ZCCHC14: variants seen among roughly 807,000 people sequenced by gnomAD.
ZCCHC14 encodes the protein zinc finger CCHC-type containing 14, also known as zinc finger CCHC domain-containing protein 14.
Under a neutral mutation model 85.0 loss-of-function variants are expected in ZCCHC14, and 16 were observed. That is an observed-to-expected ratio of 0.19 (90% CI 0.13 to 0.29). The LOEUF (loss-of-function observed/expected upper bound fraction) is 0.29, where lower values mean the gene tolerates loss of function less well. Ranked by LOEUF, ZCCHC14 falls within the 10% of genes least tolerant of loss-of-function variation. ZCCHC14 has a pLI of 1.00. For synonymous variants in ZCCHC14, 775 were observed against 630.7 expected (o/e 1.23, Z -3.43); for missense variants, 1,303 against 1,443.5 (o/e 0.90, Z 1.58).
At position 87,412,650 on chromosome 16, in the gene ZCCHC14, T is replaced by C. The variant is rs1236119481; in HGVS notation, c.2071A>G (p.Ser691Gly). 1.9e-6 allele frequency: 3 copies of C among 1,614,192 alleles called. No homozygotes were observed. Among genetic ancestry groups the C allele is most frequent in the Admixed American group, 1.7e-5 (1 of 60,022 alleles). The change falls in exon 12 of 13, where the codon AGC becomes GGC. Residue 691 changes from serine to glycine, a missense_variant. This residue lies in a region of ZCCHC14 where 797 missense variants were observed against 730.8 expected (regional missense o/e 1.09). Coordinates refer to ENST00000671377, the MANE Select transcript of ZCCHC14 (RefSeq NM_015144.3). ...ACGTCCATCATGGCGCTGCCAAAGC[T>C]CTTGTCCACTTTCATGCTGCTTCTT... ...GPRSSMKVDK[S>G]FGSAMMDVLP...
At chr16:87,455,295 C>CCT (rs1252438662) in intron 2 of ZCCHC14, among the ~76,000 whole-genome samples, 1 of 150,584 alleles carries the variant, frequency 6.6e-6, no homozygotes, top group Non-Finnish European at 1.5e-5. Context: ...TCCCCCCCCG[C>CCT]CCCCGCAAAA....
intron 3 of ZCCHC14, among the ~76,000 whole-genome samples, chr16:87,428,636 C>T (rs1011980496): frequency 6.6e-6 from 1 of 152,198 alleles, no homozygotes; most frequent in Admixed American, 6.5e-5. Flanking sequence ...GATCTGAGGG[C>T]ACCTGTGAGC....
At position 87,413,151 on chromosome 16, in the gene ZCCHC14, C is replaced by G. The variant is rs1413881786; in HGVS notation, c.1648G>C (p.Glu550Gln). The change falls in exon 11 of 13, where the codon GAA becomes CAA. Residue 550 changes from glutamate to glutamine, a missense_variant. By Grantham distance (29) the Glu-to-Gln change is conservative. Coordinates refer to ENST00000671377, the MANE Select transcript of ZCCHC14 (RefSeq NM_015144.3). The stretch of plus-strand genomic sequence containing the variant: ...CTGGAGTACTCCGAGGAACTGCCTT[C>G]CCGGGGCAGCTGGTGATGGGGCTGC... ...VEQPHHQLPR[E>Q]GSSSEYSSSS... 5 of 1,604,700 alleles carry G rather than the reference C, an allele frequency of 3.1e-6. No individual in the cohort carries two copies. In the African/African-American group the frequency reaches 5.4e-5, roughly 17 times the overall value.
chr16:87,440,121 A>G (rs902970344), intron 2 of ZCCHC14, among the ~76,000 whole-genome samples: 1 of 152,132 alleles, frequency 6.6e-6, no homozygotes, highest in Admixed American at 6.5e-5. Flanking sequence ...ATGCACTTTG[A>G]ATTCACTGAC....
chr16:87,423,416 A>C (rs1351221437), intron 4 of ZCCHC14, among the ~76,000 whole-genome samples: 1 of 152,208 alleles, frequency 6.6e-6, no homozygotes, highest in African/African-American at 2.4e-5. Flanking sequence ...TAAATAAATA[A>C]AAACAGATAA....
At chr16:87,443,644 G>A (rs1910291173) in intron 2 of ZCCHC14, among the ~76,000 whole-genome samples, 2 of 152,180 alleles carry the variant, frequency 1.3e-5, no homozygotes, top group Non-Finnish European at 1.5e-5. Context: ...GGCCAAGGCT[G>A]GGGGATCCCT....
chr16:87,491,740 C>A lies in ZCCHC14; in HGVS notation c.499G>T (p.Gly167Cys). 8.2e-6 allele frequency: 13 copies of A among 1,576,026 alleles called. No homozygotes were observed. The highest frequency in any genetic ancestry group is 1.1e-5 in the Non-Finnish European group (13 of 1,165,944). ...GCGCCCTTGCCGCCGTGGCCCCCGC[C>A]GCCGTTCAGGCTGCTCTGGATCTGC... is the stretch of plus-strand genomic sequence containing the variant. ...LTQIQSSLNG[G>C]GGHGGKGAPG... Residue 167 changes from glycine to cysteine, a missense_variant, in exon 1 of 13, where the codon GGC (glycine) becomes TGC (cysteine). This residue lies in a region of ZCCHC14 where 389 missense variants were observed against 397.8 expected (regional missense o/e 0.98). Transcript: ENST00000671377. This position sits in a 1 kb window ranked among gnomAD's most constrained non-coding sequence, Gnocchi z 5.9.
At chr16:87,432,046 C>T (rs1384219986) in intron 3 of ZCCHC14, among the ~76,000 whole-genome samples, 2 of 152,208 alleles carry the variant, frequency 1.3e-5, no homozygotes, top group Non-Finnish European at 2.9e-5. Context: ...AGACTTGTCC[C>T]TTTAGTGGAA....
chr16:87,459,655 G>A (rs1911157858), intron 2 of ZCCHC14, among the ~76,000 whole-genome samples: 1 of 151,916 alleles, frequency 6.6e-6, no homozygotes, highest in Non-Finnish European at 1.5e-5. Context: ...GATTACAGAT[G>A]CCCGCCACCA....
chr16:87,471,894 T>C (rs952760012), intron 1 of ZCCHC14: 1 of 152,344 alleles, frequency 6.6e-6, no homozygotes, highest in South Asian at 2.1e-4. Flanking sequence ...TCTGCCTTCC[T>C]AGCCCCTCCT....
At chr16:87,444,541 A>G (rs1374693430) in intron 2 of ZCCHC14, among the ~76,000 whole-genome samples, 1 of 152,238 alleles carries the variant, frequency 6.6e-6, no homozygotes, top group Non-Finnish European at 1.5e-5. Context: ...TAGCATGAAA[A>G]TTAATATAGT....
At chr16:87,464,963 A>G (rs1412085040) in intron 1 of ZCCHC14, among the ~76,000 whole-genome samples, 1 of 152,220 alleles carries the variant, frequency 6.6e-6, no homozygotes, top group East Asian at 1.9e-4. Context: ...GAAGGCAACG[A>G]TAAGCTGCTC....
chr16:87,446,387 G>C lies in ZCCHC14; in HGVS notation c.695-13186C>G, dbSNP rs964141169. On this transcript the variant is annotated intron_variant, in intron 2 of 12. Transcript: ENST00000671377. ...TAATCTCAGCTATTCAGGAGGCTGA[G>C]GTGAGAGAATCACTCGAACCTGGAA... Among the ~76,000 whole-genome samples, 5 of 151,924 alleles carry C rather than the reference G, an allele frequency of 3.3e-5. 1 individual carries two copies. Among genetic ancestry groups the C allele is most frequent in the Non-Finnish European group, 7.4e-5 (5 of 68,004 alleles).
intron 3 of ZCCHC14, among the ~76,000 whole-genome samples, 192 bp downstream of exon 3, chr16:87,432,936 T>G (rs994210400): frequency 7.8e-5 from 4 of 51,192 alleles, no homozygotes; most frequent in African/African-American, 3.0e-4. Context: ...CCTTCCCGCC[T>G]GCAGAGGCCC....
At chr16:87,431,245 G>A (rs529899342) in intron 3 of ZCCHC14, among the ~76,000 whole-genome samples, 23 of 152,186 alleles carry the variant, frequency 1.5e-4, no homozygotes, top group Non-Finnish European at 2.8e-4. Context: ...AGGCCGAGGC[G>A]GGTGGATCAG....
chr16:87,446,002 T>G (rs539646013), intron 2 of ZCCHC14, among the ~76,000 whole-genome samples: 1 of 152,214 alleles, frequency 6.6e-6, no homozygotes, highest in African/African-American at 2.4e-5. Context: ...GTATTTTTCT[T>G]AAACTTTAAA....
At chr16:87,464,439 C>A (rs749903066) in intron 1 of ZCCHC14, among the ~76,000 whole-genome samples, 1 of 152,136 alleles carries the variant, frequency 6.6e-6, no homozygotes. Context: ...ACCCATCATC[C>A]GGTCCAATCC....
chr16:87,478,002 C>G (rs1343951273), intron 1 of ZCCHC14, among the ~76,000 whole-genome samples: 1 of 152,228 alleles, frequency 6.6e-6, no homozygotes, highest in Non-Finnish European at 1.5e-5. Context: ...CCTAGAACCA[C>G]TGATACGCCC....
chr16:87,427,939 ATTTTTTTT>A (rs34933427), intron 3 of ZCCHC14, among the ~76,000 whole-genome samples: 1 of 137,136 alleles, frequency 7.3e-6, no homozygotes, highest in Admixed American at 7.3e-5. Flanking sequence ...GGCCTCTATG[ATTTTTTTT>A]TTTTTTTTTT....
Sources: allele counts gnomAD v4.1 joint callset (sites outside exome capture counted in the v4.1 genomes callset), GRCh38; gene constraint gnomAD v4.1.1; regional missense constraint gnomAD v4.1.1; non-coding constraint Gnocchi (gnomAD v3.1); transcripts MANE v1.5; gene names NCBI Gene and HGNC (gene_info 2026-07-23, HGNC 2026-07-21).